Variants in PTK2 observed in about 807,000 individuals in gnomAD.
The protein encoded by PTK2 is focal adhesion kinase 1.
PTK2 carries 45 observed loss-of-function variants against 150.1 expected under a neutral mutation model. That is an observed-to-expected ratio of 0.30 (90% confidence interval 0.24 to 0.38). The LOEUF (loss-of-function observed/expected upper bound fraction) is 0.38. Ranked by LOEUF, PTK2 falls within the 10% of genes least tolerant of loss-of-function variation. The probability of loss-of-function intolerance (pLI) is 1.00; values close to 1 mark genes in which losing one functional copy is unlikely to be tolerated. For synonymous variants in PTK2, 432 were observed against 449.2 expected (o/e 0.96, Z 0.48); for missense variants, 919 against 1,307.3 (o/e 0.70, Z 4.58).
At chr8:140,741,413 C>A (rs940381032) in intron 20 of PTK2, among the ~76,000 whole-genome samples, 84 of 151,398 alleles carry the variant, frequency 5.5e-4, no homozygotes, top group African/African-American at 1.8e-3. Flanking sequence ...CCAGATAGCG[C>A]CACTGCACTC....
intron 8 of PTK2, among the ~76,000 whole-genome samples, chr8:140,825,718 G>A (rs892949222): frequency 2.6e-5 from 4 of 152,198 alleles, no homozygotes; most frequent in South Asian, 2.1e-4. Flanking sequence ...TCACTGCTCC[G>A]GATTCCACAC....
intron 27 of PTK2, among the ~76,000 whole-genome samples, chr8:140,681,901 C>CA (rs1400374498): frequency 6.6e-6 from 1 of 152,182 alleles, no homozygotes; most frequent in Non-Finnish European, 1.5e-5. Context: ...GTGGAAAAAT[C>CA]AGACACTGGC....
At chr8:140,855,796 T>G (rs4961236) in intron 5 of PTK2, among the ~76,000 whole-genome samples, 1 of 151,834 alleles carries the variant, frequency 6.6e-6, no homozygotes, top group East Asian at 1.9e-4. Flanking sequence ...TGGGGAAATA[T>G]TGTCTATAGA....
rs1394986083 is a variant in PTK2, at chr8:140,926,248, GAACA to G, written c.-121-503_-121-500del. Among the ~76,000 whole-genome samples the G allele has an allele frequency of 2.0e-5, 3 of 152,250 alleles. No homozygotes were observed. The East Asian group carries it at 5.8e-4, about 29-fold the overall frequency. On this transcript the variant is annotated intron_variant, in intron 1 of 31. Transcript: ENST00000522684. ...ATATTACAATCCATGTATGACACAT[GAACA>G]AACTGAGGAACAGAGAAATTAAGTA...
chr8:140,968,446 T>C (rs1186724515), intron 1 of PTK2, among the ~76,000 whole-genome samples: 1 of 152,128 alleles, frequency 6.6e-6, no homozygotes, highest in African/African-American at 2.4e-5. Context: ...ATATATCACA[T>C]TTACAAAAGA....
At chr8:140,875,402 G>A (rs918383810) in intron 4 of PTK2, among the ~76,000 whole-genome samples, 98 of 152,242 alleles carry the variant, frequency 6.4e-4, no homozygotes, top group African/African-American at 2.3e-3. Context: ...TTTATGGAAA[G>A]AACTCTAAAA....
In PTK2 at chr8:140,764,106, AAT is replaced by A. The variant is rs917005881; in HGVS notation, c.1234+126_1234+127del. The A allele has an allele frequency of 3.4e-5, 28 of 833,444 alleles. No homozygotes were observed. In the African/African-American group the frequency reaches 4.5e-4, roughly 13 times the overall value. The allele number at this position is 833,444 out of a possible 1,614,324, so 51.6% of individuals were successfully genotyped here. On this transcript the variant is annotated intron_variant, in intron 15 of 31. Transcript: ENST00000522684. ...ATATAGAATGGTAAAGGTTGAAAAGAATATTTCTGTTCAGCATCCAAGGAAGT... is the reference window on the plus strand; with the variant it reads ...ATATAGAATGGTAAAGGTTGAAAAGAATTTCTGTTCAGCATCCAAGGAAGT...
chr8:140,784,846 T>C (rs903588107), intron 14 of PTK2, among the ~76,000 whole-genome samples: 5 of 152,346 alleles, frequency 3.3e-5, no homozygotes, highest in Non-Finnish European at 7.3e-5. Flanking sequence ...AAATACTGTG[T>C]GAATTTCAAA....
chr8:140,846,506 A>G (rs760672062), intron 6 of PTK2, 93 bp downstream of exon 6: 1 of 1,199,874 alleles, frequency 8.3e-7, no homozygotes, highest in Non-Finnish European at 1.2e-6. Context: ...TTCACTGATA[A>G]TCCTTATGAA....
intron 1 of PTK2, among the ~76,000 whole-genome samples, chr8:140,943,568 C>T (rs895016104): frequency 6.6e-6 from 1 of 152,214 alleles, no homozygotes; most frequent in African/African-American, 2.4e-5. Flanking sequence ...AAAATGTTTT[C>T]ATTTCTCTTG....
chr8:140,998,707 T>C (rs541105051), intron 1 of PTK2, among the ~76,000 whole-genome samples: 1 of 150,674 alleles, frequency 6.6e-6, no homozygotes, highest in South Asian at 2.1e-4. Flanking sequence ...TAGTCCCAGC[T>C]ACTTGGGAGG....
intron 7 of PTK2, among the ~76,000 whole-genome samples, chr8:140,832,598 T>C (rs1018465101): frequency 6.6e-6 from 1 of 152,144 alleles, no homozygotes; most frequent in South Asian, 2.1e-4. Flanking sequence ...TCTCACTGTT[T>C]ACTGCAGAGG....
chr8:140,670,485 A>AC (rs1563982875), intron 29 of PTK2, among the ~76,000 whole-genome samples: 24 of 36,956 alleles, frequency 6.5e-4, no homozygotes, highest in African/African-American at 1.9e-3. Context: ...AAAAAAAAAC[A>AC]ACAACACACA....
chr8:140,794,389 G>A (rs960516497), intron 12 of PTK2, among the ~76,000 whole-genome samples: 1 of 152,146 alleles, frequency 6.6e-6, no homozygotes, highest in Non-Finnish European at 1.5e-5. Flanking sequence ...TCACCACTCT[G>A]GTGCCCTTCT....
chr8:140,986,071 T>G (rs979581684), intron 1 of PTK2, among the ~76,000 whole-genome samples: 4 of 152,224 alleles, frequency 2.6e-5, no homozygotes, highest in Non-Finnish European at 5.9e-5. Flanking sequence ...GAGGTTTTGA[T>G]AGTCAAGCCA....
At chr8:140,893,800 A>G (rs977470627) in intron 2 of PTK2, among the ~76,000 whole-genome samples, 2 of 152,224 alleles carry the variant, frequency 1.3e-5, no homozygotes, top group African/African-American at 4.8e-5. Flanking sequence ...TACCTCTGTG[A>G]AAATATAAAT....
chr8:140,896,097 A>G (rs1358328760), intron 2 of PTK2, among the ~76,000 whole-genome samples: 2 of 152,246 alleles, frequency 1.3e-5, no homozygotes, highest in Non-Finnish European at 2.9e-5. Flanking sequence ...GAATTTGAAA[A>G]TTTAGATAAG....
chr8:140,979,867 C>T (rs545268251), intron 1 of PTK2, among the ~76,000 whole-genome samples: 1 of 152,298 alleles, frequency 6.6e-6, no homozygotes, highest in African/African-American at 2.4e-5. Flanking sequence ...TGTGGGGCCT[C>T]CCCAGCCATG....
intron 1 of PTK2, among the ~76,000 whole-genome samples, chr8:141,000,107 ACACACACACACACACACACC>A (rs1215742298): frequency 1.3e-5 from 2 of 149,580 alleles, no homozygotes; most frequent in African/African-American, 5.1e-5. Flanking sequence ...ACACACACAC[ACACACACACACACACACACC>A]CCTTCTTCTA....
Sources: gnomAD v4.1 joint callset for allele counts (sites outside exome capture counted in the v4.1 genomes callset) on GRCh38, gnomAD v4.1.1 for gene constraint, MANE v1.5 for transcripts, NCBI Gene and HGNC (gene_info 2026-07-23, HGNC 2026-07-21) for gene names.